Variants in SEZ6L observed in about 807,000 individuals in gnomAD.
SEZ6L encodes the protein seizure 6-like protein.
SEZ6L carries 37 observed loss-of-function variants against 106.2 expected under a neutral mutation model. The observed-to-expected ratio is 0.35, with a 90% CI of 0.27 to 0.46. SEZ6L has a LOEUF of 0.46. SEZ6L is among the 20% of genes least tolerant of loss of function. SEZ6L has a pLI of 1.00. For synonymous variants in SEZ6L, 541 were observed against 570.4 expected (o/e 0.95, Z 0.73); for missense variants, 1,172 against 1,332.8 (o/e 0.88, Z 1.88).
chr22:26,337,687 G>C (rs2082687464), intron 9 of SEZ6L, among the ~76,000 whole-genome samples: 1 of 152,124 alleles, frequency 6.6e-6, no homozygotes, highest in Non-Finnish European at 1.5e-5. Flanking sequence ...CTTCAATCTG[G>C]TTAAAAACTG....
intron 1 of SEZ6L, among the ~76,000 whole-genome samples, chr22:26,240,385 C>T (rs2079088832): frequency 6.6e-6 from 1 of 152,048 alleles, no homozygotes; most frequent in African/African-American, 2.4e-5. Flanking sequence ...GCTGAATCAG[C>T]CCCCTATTCC....
intron 1 of SEZ6L, among the ~76,000 whole-genome samples, chr22:26,219,610 G>A (rs891021058): frequency 2.6e-5 from 4 of 152,258 alleles, no homozygotes; most frequent in Admixed American, 2.0e-4. Context: ...CTGAGGCCAT[G>A]AGAAAAAGAA....
chr22:26,199,027 A>G (rs1940760903), intron 1 of SEZ6L, among the ~76,000 whole-genome samples: 1 of 152,230 alleles, frequency 6.6e-6, no homozygotes, highest in Non-Finnish European at 1.5e-5. Context: ...ACGTCATGAC[A>G]CATACAGCTT....
intron 1 of SEZ6L, among the ~76,000 whole-genome samples, chr22:26,265,979 A>G (rs185374193): frequency 1.5e-4 from 23 of 152,324 alleles, no homozygotes; most frequent in African/African-American, 4.8e-4. Context: ...AAGTCATTAT[A>G]ATGCAACATA....
chr22:26,293,901 T>C (rs1026001878), intron 2 of SEZ6L, among the ~76,000 whole-genome samples: 1 of 152,186 alleles, frequency 6.6e-6, no homozygotes, highest in African/African-American at 2.4e-5. Context: ...CATACATGGA[T>C]TTTGGACAAG....
chr22:26,273,951 C>G (rs941306938), intron 1 of SEZ6L, among the ~76,000 whole-genome samples: 4 of 152,130 alleles, frequency 2.6e-5, no homozygotes, highest in African/African-American at 9.7e-5. Context: ...CCTGAGAGAG[C>G]AGGGGCGATA....
At position 26,341,779 on chromosome 22, in the gene SEZ6L, C is replaced by A. The variant is rs896669667; in HGVS notation, c.2212+1147C>A. 2.0e-4 allele frequency among the ~76,000 whole-genome samples: 30 copies of A among 152,218 alleles called. 2 individuals carry two copies. The highest frequency in any genetic ancestry group is 6.2e-4 in the South Asian group (3 of 4,832). On this transcript the variant is annotated intron_variant, in intron 10 of 16. Coordinates refer to ENST00000248933, the MANE Select transcript of SEZ6L (RefSeq NM_021115.5). ...AGGCTGCTTCCTCCTTCCTTGCCCCCATATCCAATCCATCCTCTCAACTCC... is the reference window on the plus strand; with the variant it reads ...AGGCTGCTTCCTCCTTCCTTGCCCCAATATCCAATCCATCCTCTCAACTCC...
chr22:26,235,265 T>C (rs970149871), intron 1 of SEZ6L, among the ~76,000 whole-genome samples: 14 of 152,178 alleles, frequency 9.2e-5, no homozygotes, highest in African/African-American at 3.1e-4. Context: ...CAGTAGCACC[T>C]CCTCCATATC....
intron 9 of SEZ6L, among the ~76,000 whole-genome samples, chr22:26,323,775 T>TTGA (rs149299221): frequency 0.1 from 15,575 of 151,680 alleles, 1,115 homozygotes; most frequent in Admixed American, 0.24. Context: ...CATTATCTCA[T>TTGA]TGATGATGAT....
At chr22:26,246,440 A>C (rs2079348558) in intron 1 of SEZ6L, among the ~76,000 whole-genome samples, 1 of 152,198 alleles carries the variant, frequency 6.6e-6, no homozygotes, top group Non-Finnish European at 1.5e-5. Context: ...TTCTAATCCC[A>C]AGACCCTCTA....
intron 5 of SEZ6L, among the ~76,000 whole-genome samples, chr22:26,301,670 G>T (rs1011289224): frequency 6.6e-6 from 1 of 151,844 alleles, no homozygotes; most frequent in Non-Finnish European, 1.5e-5. Flanking sequence ...GTCAGGGAAG[G>T]ATTACCTGAT....
intron 6 of SEZ6L, 96 bp downstream of exon 6, chr22:26,306,240 C>A: frequency 1.4e-6 from 2 of 1,380,152 alleles, no homozygotes; most frequent in Non-Finnish European, 9.8e-7. Context: ...GAAGCTTTGA[C>A]CCTCGGAATT....
At chr22:26,204,291 C>G (rs1941167976) in intron 1 of SEZ6L, among the ~76,000 whole-genome samples, 1 of 152,164 alleles carries the variant, frequency 6.6e-6, no homozygotes, top group Non-Finnish European at 1.5e-5. Context: ...TGATCATACA[C>G]ATAATTACTA....
In SEZ6L at chr22:26,377,734, A is replaced by G; in HGVS notation, c.3004A>G (p.Thr1002Ala). 6.2e-7 allele frequency: 1 copy of G among 1,613,962 alleles called. No homozygotes were observed. The highest frequency in any genetic ancestry group is 1.3e-5 in the African/African-American group (1 of 75,000). Residue 1002 changes from threonine to alanine, a missense_variant, in exon 16 of 17, where the codon ACC (threonine) becomes GCC (alanine). Around this residue, in one of 4 missense-constraint regions of SEZ6L, gnomAD observed 141 missense variants for 176.0 expected, o/e 0.80. Coordinates refer to ENST00000248933, the MANE Select transcript of SEZ6L (RefSeq NM_021115.5). Reference sequence around the variant, plus strand: ...GTACTCCCACCCCTACAGCCAGATCACCGTGGAAACCGAGTTTGACAACCC... The same window carrying G: ...GTACTCCCACCCCTACAGCCAGATCGCCGTGGAAACCGAGTTTGACAACCC... The part of the protein sequence containing the change: ...LMYSHPYSQI[T>A]VETEFDNPIY...
chr22:26,196,408 A>C (rs1940583417), intron 1 of SEZ6L, among the ~76,000 whole-genome samples: 1 of 152,186 alleles, frequency 6.6e-6, no homozygotes, highest in South Asian at 2.1e-4. Flanking sequence ...AGAACGCCCT[A>C]ATACAATGAT....
At chr22:26,259,633 G>A (rs762421428) in intron 1 of SEZ6L, among the ~76,000 whole-genome samples, 6 of 152,152 alleles carry the variant, frequency 3.9e-5, no homozygotes, top group Non-Finnish European at 8.8e-5. Context: ...CACAGGTGTC[G>A]GAGCTCTTAA....
At chr22:26,346,536 A>C (rs926065644) in intron 10 of SEZ6L, among the ~76,000 whole-genome samples, 1 of 152,236 alleles carries the variant, frequency 6.6e-6, no homozygotes, top group Admixed American at 6.5e-5. Context: ...TGGGTTAAAA[A>C]TTCAGGAGCA....
chr22:26,313,848 G>T lies in SEZ6L; in HGVS notation c.1961G>T (p.Cys654Phe). The part of the protein sequence containing the change: ...WPEPYVEGED[C>F]IWKIHVGEEK... ...GAGCCCTACGTGGAAGGTGAAGATT[G>T]TATCTGGAAGATCCACGTGGGAGAA... is the stretch of plus-strand genomic sequence containing the variant. Residue 654 changes from cysteine to phenylalanine, a missense_variant, in exon 9 of 17, where the codon TGT becomes TTT. Around this residue, in one of 4 missense-constraint regions of SEZ6L, gnomAD observed 534 missense variants for 691.0 expected, o/e 0.77. Coordinates refer to ENST00000248933, the MANE Select transcript of SEZ6L (RefSeq NM_021115.5). The T allele has an allele frequency of 6.2e-7, 1 of 1,612,748 alleles. No individual in the cohort carries two copies. The highest frequency in any genetic ancestry group is 8.5e-7 in the Non-Finnish European group (1 of 1,178,828).
At chr22:26,266,236 T>C (rs73156878) in intron 1 of SEZ6L, among the ~76,000 whole-genome samples, 3,283 of 150,800 alleles carry the variant, frequency 0.022, 62 homozygotes, top group Middle Eastern at 0.068. Context: ...GACTATTAAA[T>C]GAAGCATTTA....
Sources: gnomAD v4.1 joint callset for allele counts (sites outside exome capture counted in the v4.1 genomes callset) on GRCh38, gnomAD v4.1.1 for gene constraint, gnomAD v4.1.1 regional missense constraint, MANE v1.5 for transcripts, NCBI Gene and HGNC (gene_info 2026-07-23, HGNC 2026-07-21) for gene names.